FAM135A: variants seen among roughly 807,000 people sequenced by gnomAD.
The protein encoded by FAM135A is family with sequence similarity 135 member A, also known as protein FAM135A.
FAM135A carries 79 observed loss-of-function variants against 146.8 expected under a neutral mutation model. The observed-to-expected ratio is 0.54, with a 90% CI of 0.45 to 0.65. FAM135A has a LOEUF of 0.65. Ranked by LOEUF, FAM135A falls within the 30% of genes least tolerant of loss-of-function variation. The pLI, the probability that FAM135A is intolerant of heterozygous loss-of-function variation, is 0.00. For synonymous variants in FAM135A, 562 were observed against 603.6 expected (o/e 0.93, Z 1.01); for missense variants, 1,623 against 1,758.2 (o/e 0.92, Z 1.38).
chr6:70,443,886 C>T (rs1316634045), intron 4 of FAM135A, among the ~76,000 whole-genome samples: 1 of 151,996 alleles, frequency 6.6e-6, no homozygotes, highest in Non-Finnish European at 1.5e-5. Context: ...TATGATTTTG[C>T]CTTCCTTTAA....
intron 5 of FAM135A, among the ~76,000 whole-genome samples, chr6:70,458,325 G>A (rs1438496460): frequency 6.6e-6 from 1 of 152,024 alleles, no homozygotes; most frequent in African/African-American, 2.4e-5. Flanking sequence ...TCTGAAATGT[G>A]CTAACAAATA....
intron 12 of FAM135A, among the ~76,000 whole-genome samples, chr6:70,516,690 A>C (rs1451174631): frequency 6.6e-6 from 1 of 151,684 alleles, no homozygotes; most frequent in Non-Finnish European, 1.5e-5. Flanking sequence ...ACTCGCCACC[A>C]TGCCTGGCTA....
chr6:70,526,493 T>A lies in FAM135A; in HGVS notation c.3409T>A (p.Tyr1137Asn). ...LTKSEKINSD[Y>N]LRDGINMPTV... Reference sequence around the variant, plus strand: ...AAAATCTGAAAAAATAAACAGTGACTATCTGAGAGATGGTATAAACATGCC... The same window carrying A: ...AAAATCTGAAAAAATAAACAGTGACAATCTGAGAGATGGTATAAACATGCC... The change falls in exon 15 of 22, where the codon TAT becomes AAT. Residue 1137 changes from tyrosine to asparagine, a missense_variant. Tyr to Asn is a moderately radical substitution (Grantham distance 143). Around this residue, in one of 7 missense-constraint regions of FAM135A, gnomAD observed 1,061 missense variants for 1,113.8 expected, o/e 0.95. Coordinates refer to ENST00000418814, the MANE Select transcript of FAM135A (RefSeq NM_001162529.3). 1 of 1,613,562 alleles carries A rather than the reference T, an allele frequency of 6.2e-7. No individual in the cohort carries two copies. The highest frequency in any genetic ancestry group is 8.5e-7 in the Non-Finnish European group (1 of 1,179,678).
Position 70,533,867 on chromosome 6 carries a change from ATAT to A in FAM135A, c.3965+17_3965+19del, listed in dbSNP as rs534911442. 1.5e-5 allele frequency: 19 copies of A among 1,253,368 alleles called. No individual in the cohort carries two copies. In the South Asian group the frequency reaches 1.9e-4, roughly 13 times the overall value. The allele number at this position is 1,253,368 out of a possible 1,614,324, so 77.6% of individuals were successfully genotyped here. On this transcript the variant is annotated intron_variant, in intron 18 of 21. Coordinates refer to ENST00000418814, the MANE Select transcript of FAM135A (RefSeq NM_001162529.3). ...TCTCAAAAATAAGGTATCTTCTTTA[ATAT>A]TATGCAATTTATTTTTATATTTCTA...
intron 20 of FAM135A, among the ~76,000 whole-genome samples, chr6:70,540,685 C>T (rs1020100752): frequency 6.6e-6 from 1 of 152,174 alleles, no homozygotes; most frequent in South Asian, 2.1e-4. Flanking sequence ...CTTCCTGACT[C>T]AAGTCTCAGA....
intron 20 of FAM135A, among the ~76,000 whole-genome samples, chr6:70,542,278 C>CACACACACACACACACACA (rs1424633787): frequency 7.4e-4 from 79 of 106,824 alleles, no homozygotes; most frequent in African/African-American, 2.7e-3. Context: ...ACACACACAC[C>CACACACACACACACACACA]CTTTGCTGTG....
intron 4 of FAM135A, among the ~76,000 whole-genome samples, chr6:70,439,918 C>A (rs1292557811): frequency 1.3e-5 from 2 of 152,196 alleles, no homozygotes; most frequent in Non-Finnish European, 2.9e-5. Flanking sequence ...CAGTATGTAT[C>A]TCCAACAGAT....
intron 10 of FAM135A, among the ~76,000 whole-genome samples, chr6:70,488,245 A>G (rs1259534384): frequency 6.6e-6 from 1 of 152,166 alleles, no homozygotes; most frequent in East Asian, 1.9e-4. Flanking sequence ...ACCCACATCA[A>G]GGAATACTGT....
At position 70,533,600 on chromosome 6, in the gene FAM135A, C is replaced by T. The variant is rs139181120; in HGVS notation, c.3868-157C>T. Among the ~76,000 whole-genome samples the T allele has an allele frequency of 1.9e-3, 292 of 152,108 alleles. 1 individual carries two copies. The highest frequency in any genetic ancestry group is 6.6e-3 in the African/African-American group (274 of 41,526). Reference sequence around the variant, plus strand: ...CCCCTAGAAATTTACTCTCTTTGCTCGTTTTAAGATAAAAAAATTACACTC... The same window carrying T: ...CCCCTAGAAATTTACTCTCTTTGCTTGTTTTAAGATAAAAAAATTACACTC... On this transcript the variant is annotated intron_variant, in intron 17 of 21. Transcript: ENST00000418814.
At chr6:70,471,399 T>C (rs1562479277) in intron 5 of FAM135A, among the ~76,000 whole-genome samples, 2 of 152,160 alleles carry the variant, frequency 1.3e-5, no homozygotes, top group African/African-American at 2.4e-5. Context: ...ATTTGTGGTC[T>C]TAGAGGGTAT....
chr6:70,517,661 C>T (rs527459710), intron 12 of FAM135A, among the ~76,000 whole-genome samples: 16 of 152,230 alleles, frequency 1.1e-4, no homozygotes, highest in African/African-American at 3.4e-4. Flanking sequence ...TCAGGTGATC[C>T]ACCTGCCTCG....
intron 5 of FAM135A, among the ~76,000 whole-genome samples, chr6:70,463,710 A>G (rs1371699596): frequency 1.3e-5 from 2 of 152,340 alleles, no homozygotes; most frequent in Admixed American, 1.3e-4. Flanking sequence ...GAGACATTTC[A>G]TATTATGTCA....
chr6:70,543,712 A>T (rs750249444), intron 20 of FAM135A, among the ~76,000 whole-genome samples: 3 of 152,234 alleles, frequency 2.0e-5, no homozygotes, highest in Non-Finnish European at 2.9e-5. Context: ...GTGAAAGGCA[A>T]AGCTGAACAT....
intron 2 of FAM135A, among the ~76,000 whole-genome samples, chr6:70,422,980 G>A (rs548908462): frequency 3.3e-5 from 5 of 152,160 alleles, no homozygotes; most frequent in African/African-American, 1.2e-4. Flanking sequence ...AAGAGATATG[G>A]TATGCCAGGA....
chr6:70,466,582 T>A (rs1780514576), intron 5 of FAM135A, among the ~76,000 whole-genome samples: 1 of 152,222 alleles, frequency 6.6e-6, no homozygotes, highest in East Asian at 1.9e-4. Context: ...CAAGAGTGAA[T>A]TGTGTAAAAC....
At chr6:70,464,117 C>G (rs1460723261) in intron 5 of FAM135A, among the ~76,000 whole-genome samples, 1 of 152,184 alleles carries the variant, frequency 6.6e-6, no homozygotes, top group Non-Finnish European at 1.5e-5. Context: ...TGAATAGTCA[C>G]TTGGTCACAA....
In FAM135A at chr6:70,480,984, G is replaced by A. The variant is rs61741206; in HGVS notation, c.626G>A (p.Ser209Asn). The A allele has an allele frequency of 5.6e-3, 8,955 of 1,612,304 alleles. 35 individuals are homozygous for A. Among genetic ancestry groups the A allele is most frequent in the Middle Eastern group, 0.024 (144 of 6,044 alleles). Residue 209 changes from serine (S) to asparagine (N), a missense_variant, in exon 9 of 22, where the codon AGT becomes AAT. Transcript: ENST00000418814. ...NKDSVIPTLE[S>N]VVFGINYTKQ... ...GATTCCGTGATTCCTACTCTTGAAA[G>A]TGTGGTCTTTGGTATTAACTACACA...
At chr6:70,556,966 C>A in intron 21 of FAM135A, 103 bp downstream of exon 21, 1 of 786,800 alleles carries the variant, frequency 1.3e-6, no homozygotes, top group Non-Finnish European at 2.1e-6. Context: ...CTTCTCTTTC[C>A]TGTTACTTCC....
intron 20 of FAM135A, among the ~76,000 whole-genome samples, chr6:70,554,965 T>A (rs1800553840): frequency 6.6e-6 from 1 of 152,244 alleles, no homozygotes; most frequent in Admixed American, 6.5e-5. Context: ...CAACTCATTC[T>A]ATTGGAATTA....
Sources: gnomAD v4.1 joint callset for allele counts (sites outside exome capture counted in the v4.1 genomes callset) on GRCh38, gnomAD v4.1.1 for gene constraint, gnomAD v4.1.1 regional missense constraint, MANE v1.5 for transcripts, NCBI Gene and HGNC (gene_info 2026-07-23, HGNC 2026-07-21) for gene names.